The following BRF1 variants were observed in gnomAD, a reference collection of about 807,000 sequenced individuals.
The protein encoded by BRF1 is BRF1 general transcription factor IIIB subunit.
A neutral mutation model predicts 81.7 loss-of-function variants in BRF1; 59 were observed. That is an observed-to-expected ratio of 0.72 (90% CI 0.59 to 0.90). The LOEUF (loss-of-function observed/expected upper bound fraction) is 0.90. BRF1 is among the 40% of genes least tolerant of loss of function. The pLI, the probability that BRF1 is intolerant of heterozygous loss-of-function variation, is 0.00. For synonymous variants in BRF1, 491 were observed against 395.6 expected (o/e 1.24, Z -2.86); for missense variants, 1,050 against 936.3 (o/e 1.12, Z -1.58).
chr14:105,211,025 G>A, intron 17 of BRF1, 97 bp downstream of exon 17: 1 of 1,515,122 alleles, frequency 6.6e-7, no homozygotes, highest in Non-Finnish European at 8.8e-7. Flanking sequence ...CAGAAATTTA[G>A]TTTGAAGCTA....
intron 5 of BRF1, among the ~76,000 whole-genome samples, chr14:105,246,501 G>A (rs1338084077): frequency 5.3e-5 from 8 of 151,918 alleles, no homozygotes; most frequent in East Asian, 1.9e-4. Context: ...ACGGAGTCTC[G>A]CTCTGTCATC....
At chr14:105,256,066 A>G (rs1418141653) in intron 4 of BRF1, 1 of 855,026 alleles carries the variant, frequency 1.2e-6, no homozygotes, top group Admixed American at 3.5e-5. Context: ...CAGAGGTTGC[A>G]GTAAGCTGAG....
chr14:105,243,647 A>G (rs974826293), intron 5 of BRF1, among the ~76,000 whole-genome samples: 5 of 151,938 alleles, frequency 3.3e-5, no homozygotes, highest in Non-Finnish European at 5.9e-5. Context: ...AATGTGGGTG[A>G]GACTTTGATG....
At chr14:105,229,086 C>A (rs934159208) in intron 6 of BRF1, among the ~76,000 whole-genome samples, 173 bp from the exon 7 acceptor site, 2 of 152,162 alleles carry the variant, frequency 1.3e-5, no homozygotes, top group African/African-American at 2.4e-5. Context: ...ACGACATGAC[C>A]CTCTCTATCT....
At position 105,300,524 on chromosome 14, in the gene BRF1, T is replaced by A; in HGVS notation, c.106A>T (p.Ile36Phe). 1 of 1,537,978 alleles carries A rather than the reference T, an allele frequency of 6.5e-7. No homozygotes were observed. The highest frequency in any genetic ancestry group is 8.7e-7 in the Non-Finnish European group (1 of 1,144,696). Residue 36 changes from isoleucine (I) to phenylalanine (F), a missense_variant, in exon 1 of 18, where the codon ATC (isoleucine) becomes TTC (phenylalanine). Around this residue, in one of 2 missense-constraint regions of BRF1, gnomAD observed 1,043 missense variants for 915.4 expected, o/e 1.14. Coordinates refer to ENST00000547530, the MANE Select transcript of BRF1 (RefSeq NM_001519.4). Reference protein sequence around the residue: ...TACGSVLEDNIIVSEVQFVES... With the variant: ...TACGSVLEDNFIVSEVQFVES... The stretch of plus-strand genomic sequence containing the variant: ...ACGAACTGCACCTCGGACACGATGA[T>A]GTTGTCCTCCAGCACTGAGCCGCAG...
intron 5 of BRF1, chr14:105,249,142 C>T: frequency 6.4e-7 from 1 of 1,560,438 alleles, no homozygotes; most frequent in South Asian, 1.2e-5. Flanking sequence ...CCAGCCCGTG[C>T]CTCTACCTTT....
chr14:105,300,329 C>T, intron 1 of BRF1, 117 bp downstream of exon 1: 1 of 1,194,494 alleles, frequency 8.4e-7, no homozygotes, highest in Non-Finnish European at 1.1e-6. Context: ...GGCGCAGAAC[C>T]GCGCGCCCCG....
chr14:105,283,592 C>G (rs2057199544), intron 2 of BRF1, among the ~76,000 whole-genome samples: 1 of 152,192 alleles, frequency 6.6e-6, no homozygotes, highest in Non-Finnish European at 1.5e-5. Context: ...CTTTCTTGAA[C>G]CAAAGGTATT....
In BRF1 at chr14:105,309,776, C is replaced by CTT. The variant is rs928875653; in HGVS notation, c.-162+5544_-162+5545dup. Among the ~76,000 whole-genome samples the CTT allele has an allele frequency of 6.5e-4, 58 of 89,230 alleles. 2 individuals are homozygous for CTT. The highest frequency in any genetic ancestry group is 1.5e-3 in the African/African-American group (29 of 19,324). The allele number at this position is 89,230 out of a possible 152,430, so 58.5% of individuals were successfully genotyped here. The stretch of plus-strand genomic sequence containing the variant: ...TTAAGGAGAAGGTGGTGATGTGTGT[C>CTT]TTTTTTTTTTTTTTTTTTTTTTTTT... On this transcript the variant is annotated intron_variant, in intron 1 of 17. Transcript: ENST00000327359. This position sits in a 1 kb window ranked among gnomAD's most constrained non-coding sequence, Gnocchi z 4.0.
chr14:105,285,324 A>G (rs1489541296), intron 2 of BRF1, among the ~76,000 whole-genome samples: 2 of 152,268 alleles, frequency 1.3e-5, no homozygotes, highest in Non-Finnish European at 2.9e-5. Flanking sequence ...TCATGCAGTC[A>G]CTAAGCCAAA....
chr14:105,292,720 G>A (rs1169250543), intron 1 of BRF1, among the ~76,000 whole-genome samples: 2 of 152,142 alleles, frequency 1.3e-5, no homozygotes, highest in Middle Eastern at 3.2e-3. Flanking sequence ...AGACATCTGG[G>A]AGGAGCACTG....
intron 5 of BRF1, chr14:105,249,005 C>G: frequency 9.5e-7 from 1 of 1,053,366 alleles, no homozygotes; most frequent in Non-Finnish European, 1.1e-6. Flanking sequence ...CGCCGCCGCC[C>G]GCGCCCGCGC....
intron 1 of BRF1, among the ~76,000 whole-genome samples, chr14:105,287,907 T>A (rs1595470937): frequency 1.3e-5 from 2 of 152,338 alleles, no homozygotes; most frequent in Middle Eastern, 3.4e-3. Context: ...CACTCAGCTT[T>A]TCCTGGTGGC....
rs1271633536 is a variant in BRF1 at position 105,249,328 on chromosome 14, G to T, written c.544+3179C>A. 10 of 1,600,088 alleles carry T rather than the reference G, an allele frequency of 6.2e-6. No individual in the cohort carries two copies. The Admixed American group carries it at 1.5e-4, about 25-fold the overall frequency. On this transcript the variant is annotated intron_variant, in intron 5 of 17. Coordinates refer to ENST00000547530, the MANE Select transcript of BRF1 (RefSeq NM_001519.4). ...TGGCTGACACGCAGCCTGCGGGAGA[G>T]CCAGGCTCACGGCGGCGCTTTCTCC...
At chr14:105,291,308 A>G (rs980198009) in intron 1 of BRF1, among the ~76,000 whole-genome samples, 1 of 152,236 alleles carries the variant, frequency 6.6e-6, no homozygotes, top group South Asian at 2.1e-4. Context: ...AAGACCCAGC[A>G]CAGCACTGTC....
In BRF1 at chr14:105,281,744, C is replaced by CT. The variant is rs201600371; in HGVS notation, c.265+4551dup. 4.2e-3 allele frequency among the ~76,000 whole-genome samples: 603 copies of CT among 144,120 alleles called. 3 individuals carry two copies. The highest frequency in any genetic ancestry group is 0.015 in the East Asian group (73 of 4,950). 94.5% of individuals were successfully genotyped at this position (144,120 alleles called of 152,430 possible). A position where few individuals can be genotyped will look rare whatever the true frequency, so the allele number is the denominator to read the frequency against. ...CTAAAATGCTCTAAAAATTACAAGT[C>CT]TTTTTTTTTTTTTTAAATTCCTTTC... is the stretch of plus-strand genomic sequence containing the variant. On this transcript the variant is annotated intron_variant, in intron 2 of 17. Transcript: ENST00000547530.
intron 3 of BRF1, among the ~76,000 whole-genome samples, chr14:105,262,680 C>T (rs1022071822): frequency 1.3e-5 from 2 of 152,208 alleles, no homozygotes; most frequent in Non-Finnish European, 2.9e-5. Flanking sequence ...GAGGTGGTCT[C>T]ACGGATAATG....
At chr14:105,256,270 C>T in intron 4 of BRF1, 3 of 1,545,164 alleles carry the variant, frequency 1.9e-6, no homozygotes, top group Non-Finnish European at 2.6e-6. Context: ...AGCTAACACC[C>T]AACCGTGCCC....
At chr14:105,248,318 A>C (rs2055266896) in intron 5 of BRF1, 4 of 985,436 alleles carry the variant, frequency 4.1e-6, no homozygotes, top group Non-Finnish European at 4.8e-6. Context: ...CCTAACCAAA[A>C]GATCGCTAAC....
Sources: gnomAD v4.1 joint callset for allele counts (sites outside exome capture counted in the v4.1 genomes callset) on GRCh38, gnomAD v4.1.1 for gene constraint, gnomAD v4.1.1 regional missense constraint, Gnocchi (gnomAD v3.1) non-coding constraint, MANE v1.5 for transcripts, NCBI Gene and HGNC (gene_info 2026-07-23, HGNC 2026-07-21) for gene names.